Variants in PALD1 observed in about 807,000 individuals in gnomAD.
PALD1 encodes the protein paladin.
Under a neutral mutation model 96.0 loss-of-function variants are expected in PALD1, and 57 were observed. The observed-to-expected ratio is 0.59, with a 90% CI of 0.48 to 0.74. PALD1 has a LOEUF of 0.74. Among genes scored for constraint, PALD1 ranks in the 30% least tolerant of loss-of-function variants. The pLI, the probability that PALD1 is intolerant of heterozygous loss-of-function variation, is 0.00. For synonymous variants in PALD1, 464 were observed against 473.6 expected (o/e 0.98, Z 0.26); for missense variants, 1,063 against 1,143.7 (o/e 0.93, Z 1.02).
intron 1 of PALD1, among the ~76,000 whole-genome samples, chr10:70,515,941 A>G (rs1490602141): frequency 6.6e-6 from 1 of 152,086 alleles, no homozygotes; most frequent in Non-Finnish European, 1.5e-5. Flanking sequence ...GTTCAATGGG[A>G]ATGAAAACAC....
rs760954311 is a variant in PALD1, at chr10:70,547,296, C to G, written c.2122-10C>G. 27 of 1,613,260 alleles carry G rather than the reference C, an allele frequency of 1.7e-5. No individual in the cohort carries two copies. The highest frequency in any genetic ancestry group is 2.3e-5 in the Non-Finnish European group (27 of 1,179,386). On this transcript the variant is annotated splice_polypyrimidine_tract_variant and intron_variant, in intron 17 of 19. Coordinates refer to ENST00000263563, the MANE Select transcript of PALD1 (RefSeq NM_014431.3). ...TTTTATGTCTGCTCACCCCCCTTCT[C>G]TGGCCCCAGGTAGTAATGAAGGTGG...
At chr10:70,465,628 A>G in the PALD1 span, among the ~76,000 whole-genome samples, 1 of 152,190 alleles carries the variant, frequency 6.6e-6, no homozygotes, top group Non-Finnish European at 1.5e-5. Context: ...GAGTGGAGTC[A>G]GGACTCAGGC....
chr10:70,500,680 G>T (rs1846276782), intron 1 of PALD1, among the ~76,000 whole-genome samples: 1 of 152,158 alleles, frequency 6.6e-6, no homozygotes. Context: ...AAAGGTGCTG[G>T]AGTCCCTGCG....
intron 1 of PALD1, among the ~76,000 whole-genome samples, chr10:70,501,906 A>C (rs999146707): frequency 6.6e-6 from 1 of 151,334 alleles, no homozygotes; most frequent in Non-Finnish European, 1.5e-5. Flanking sequence ...AATGGAACAA[A>C]ACTCTAAAAT....
chr10:70,562,715 G>A (rs190756162), intron 18 of PALD1, among the ~76,000 whole-genome samples: 3 of 152,192 alleles, frequency 2.0e-5, no homozygotes, highest in East Asian at 1.9e-4. Context: ...GGTGTGAGGC[G>A]AGGTGTGGCC....
chr10:70,474,274 T>TA (rs1287496750), upstream of PALD1, among the ~76,000 whole-genome samples: 1 of 151,902 alleles, frequency 6.6e-6, no homozygotes, highest in Non-Finnish European at 1.5e-5. Flanking sequence ...TAAGATAGAT[T>TA]AGAGGGCCGG....
chr10:70,559,060 A>C (rs529609950), intron 18 of PALD1, among the ~76,000 whole-genome samples: 328 of 152,170 alleles, frequency 2.2e-3, no homozygotes, highest in African/African-American at 7.6e-3. Flanking sequence ...GCAGACTTGG[A>C]GCTTATCTGC....
intron 18 of PALD1, among the ~76,000 whole-genome samples, chr10:70,560,913 C>T (rs1306835282): frequency 2.2e-5 from 3 of 137,038 alleles, no homozygotes; most frequent in South Asian, 2.4e-4. Context: ...GTGGCTGACC[C>T]GTCCTCCCCA....
At chr10:70,519,795 G>T (rs1253106173) in intron 1 of PALD1, among the ~76,000 whole-genome samples, 1 of 151,904 alleles carries the variant, frequency 6.6e-6, no homozygotes, top group Non-Finnish European at 1.5e-5. Context: ...GGCTGGTCTC[G>T]AACTCCTGAC....
chr10:70,497,462 A>G (rs1184199613), intron 1 of PALD1, among the ~76,000 whole-genome samples: 1 of 150,852 alleles, frequency 6.6e-6, no homozygotes, highest in East Asian at 1.9e-4. Context: ...GACTGTGCCA[A>G]CTCTCTGGGT....
intron 1 of PALD1, among the ~76,000 whole-genome samples, chr10:70,499,479 C>T (rs1000700610): frequency 6.6e-5 from 10 of 152,192 alleles, no homozygotes; most frequent in Admixed American, 2.6e-4. Context: ...CTGGCAGGGG[C>T]GGCTTGGCCT....
chr10:70,498,719 G>C (rs1043498083), intron 1 of PALD1, among the ~76,000 whole-genome samples: 1 of 152,060 alleles, frequency 6.6e-6, no homozygotes, highest in Non-Finnish European at 1.5e-5. Flanking sequence ...CTGAGGTCAG[G>C]AGTTTGAGAC....
At chr10:70,522,340 A>G (rs1369922025) in intron 1 of PALD1, among the ~76,000 whole-genome samples, 1 of 152,202 alleles carries the variant, frequency 6.6e-6, no homozygotes, top group Non-Finnish European at 1.5e-5. Context: ...CACCTGAATC[A>G]TGAGGACCCA....
upstream of PALD1, among the ~76,000 whole-genome samples, chr10:70,476,403 T>G (rs117777194): frequency 7.2e-3 from 1,092 of 152,356 alleles, 9 homozygotes; most frequent in Middle Eastern, 0.02. Context: ...GGGGCAGATC[T>G]GACTGAATCT....
chr10:70,504,637 C>CA (rs2132300731), intron 1 of PALD1, among the ~76,000 whole-genome samples: 1 of 152,144 alleles, frequency 6.6e-6, no homozygotes, highest in East Asian at 1.9e-4. Flanking sequence ...TGTTCCAAAA[C>CA]AAAAAAATTG....
At chr10:70,460,270 G>C in the PALD1 span, among the ~76,000 whole-genome samples, 5 of 152,044 alleles carry the variant, frequency 3.3e-5, no homozygotes, top group African/African-American at 4.8e-5. Context: ...TGCCTCTCCT[G>C]GAGGGTCTCA....
intron 18 of PALD1, among the ~76,000 whole-genome samples, chr10:70,558,707 ATTC>A (rs60029669): frequency 0.5 from 76,345 of 151,370 alleles, 20,500 homozygotes; most frequent in Middle Eastern, 0.66. Context: ...ATTTGCTAAA[ATTC>A]TTCTTACTAA....
At chr10:70,549,816 G>A (rs1054328370) in intron 18 of PALD1, among the ~76,000 whole-genome samples, 6 of 152,218 alleles carry the variant, frequency 3.9e-5, no homozygotes, top group African/African-American at 1.4e-4. Flanking sequence ...AGGTGGCTGG[G>A]GCTGTTAGAG....
chr10:70,479,242 G>A (rs1282139000), intron 1 of PALD1, among the ~76,000 whole-genome samples, 183 bp downstream of exon 1: 1 of 152,238 alleles, frequency 6.6e-6, no homozygotes, highest in Admixed American at 6.5e-5. Flanking sequence ...CTCACAGGGA[G>A]CAGTTGCTGG....
Sources: allele counts gnomAD v4.1 joint callset (sites outside exome capture counted in the v4.1 genomes callset), GRCh38; gene constraint gnomAD v4.1.1; transcripts MANE v1.5; gene names NCBI Gene and HGNC (gene_info 2026-07-23, HGNC 2026-07-21).